The following LRRC28 variants were observed in gnomAD, a reference collection of about 807,000 sequenced individuals.
LRRC28 encodes the protein leucine rich repeat containing 28.
Under a neutral mutation model 45.7 loss-of-function variants are expected in LRRC28, and 39 were observed. The ratio of observed to expected loss-of-function variants is 0.85; its 90% CI spans 0.66 to 1.12. The LOEUF (loss-of-function observed/expected upper bound fraction) is 1.12, where lower values mean the gene tolerates loss of function less well. LRRC28 is among the 50% of genes most tolerant of loss of function. The probability of loss-of-function intolerance (pLI) is 0.00; values close to 1 mark genes in which losing one functional copy is unlikely to be tolerated. For missense variants in LRRC28, 435 were observed against 438.5 expected (o/e 0.99, Z 0.07); for synonymous variants, 206 against 178.8 (o/e 1.15, Z -1.22).
At chr15:99,312,029 A>G (rs1436392393) in intron 5 of LRRC28, among the ~76,000 whole-genome samples, 3 of 152,142 alleles carry the variant, frequency 2.0e-5, no homozygotes, top group African/African-American at 7.2e-5. Context: ...AATACTCACT[A>G]AAAAAACCCT....
At chr15:99,308,014 G>A (rs532684264) in intron 5 of LRRC28, among the ~76,000 whole-genome samples, 3 of 152,190 alleles carry the variant, frequency 2.0e-5, no homozygotes. Flanking sequence ...AAACTGAGAC[G>A]AGTTAGGAAT....
At chr15:99,376,890 C>A (rs575119352) in intron 9 of LRRC28, among the ~76,000 whole-genome samples, 2 of 152,308 alleles carry the variant, frequency 1.3e-5, no homozygotes, top group South Asian at 2.1e-4. Flanking sequence ...TTTTTTATGG[C>A]TGCAGAGTAT....
At chr15:99,323,392 A>G (rs1955866395) in intron 5 of LRRC28, among the ~76,000 whole-genome samples, 1 of 152,192 alleles carries the variant, frequency 6.6e-6, no homozygotes, top group Admixed American at 6.6e-5. Flanking sequence ...ATTTTAGACT[A>G]TATCTAGGAT....
intron 9 of LRRC28, among the ~76,000 whole-genome samples, chr15:99,378,343 C>A (rs144406229): frequency 6.6e-6 from 1 of 151,260 alleles, no homozygotes; most frequent in African/African-American, 2.4e-5. Context: ...GGCTTTCTGT[C>A]TGCTATTGGT....
At chr15:99,272,255 C>T (rs1314502227) in intron 2 of LRRC28, among the ~76,000 whole-genome samples, 1 of 152,176 alleles carries the variant, frequency 6.6e-6, no homozygotes, top group Non-Finnish European at 1.5e-5. Context: ...CTGTACTAGT[C>T]TCTCAGAGCC....
intron 2 of LRRC28, chr15:99,259,307 G>A: frequency 8.2e-7 from 1 of 1,219,896 alleles, no homozygotes; most frequent in African/African-American, 1.5e-5. Flanking sequence ...GGGCTATGAA[G>A]TTATTTACCT....
chr15:99,332,555 A>C (rs896719338), intron 5 of LRRC28, among the ~76,000 whole-genome samples: 2 of 152,164 alleles, frequency 1.3e-5, no homozygotes, highest in Non-Finnish European at 2.9e-5. Context: ...CCAGATAGTA[A>C]ATATTTTTAG....
At chr15:99,319,993 G>T (rs1194408441) in intron 5 of LRRC28, among the ~76,000 whole-genome samples, 1 of 151,964 alleles carries the variant, frequency 6.6e-6, no homozygotes, top group Non-Finnish European at 1.5e-5. Context: ...TTTTAGTAGA[G>T]ATGGGGTTTC....
chr15:99,286,824 A>G (rs2081971250), intron 3 of LRRC28: 1 of 154,716 alleles, frequency 6.5e-6, no homozygotes, highest in Non-Finnish European at 1.4e-5. Context: ...CATGCTAGCT[A>G]GAAATATCTT....
At chr15:99,330,491 C>A (rs913224980) in intron 5 of LRRC28, among the ~76,000 whole-genome samples, 1 of 151,950 alleles carries the variant, frequency 6.6e-6, no homozygotes, top group Non-Finnish European at 1.5e-5. Flanking sequence ...ATGAAATATT[C>A]GTCTTTGCCT....
chr15:99,287,885 AT>A lies in LRRC28; in HGVS notation c.321del (p.Ile107MetfsTer4). The A allele has an allele frequency of 6.2e-7, 1 of 1,613,834 alleles. No homozygotes were observed. The highest frequency in any genetic ancestry group is 1.3e-5 in the African/African-American group (1 of 75,034). On this transcript the variant is annotated frameshift_variant, in exon 5 of 10. Transcript: ENST00000301981. LOFTEE classifies it high-confidence loss of function. Reference protein sequence around the residue: ...DNALEIVCPEIGRLRALRHLR... With the variant: ...DNALEIVCPEXGRLRALRHLR... ...TGCCTTAGAAATTGTTTGCCCAGAA[AT>A]TGGTCGTCTGAGAGCTTTACGTCAT...
intron 9 of LRRC28, among the ~76,000 whole-genome samples, chr15:99,379,818 C>T (rs1482139337): frequency 6.6e-6 from 1 of 152,202 alleles, no homozygotes; most frequent in Non-Finnish European, 1.5e-5. Flanking sequence ...CATTCAGGAG[C>T]AGGTTGTTCA....
chr15:99,275,245 T>G (rs1195561759), intron 2 of LRRC28, among the ~76,000 whole-genome samples: 6 of 152,248 alleles, frequency 3.9e-5, no homozygotes, highest in Admixed American at 6.5e-5. Flanking sequence ...AACCTGTGAG[T>G]AGACTTTTGT....
intron 2 of LRRC28, 37 bp from the exon 3 acceptor site, chr15:99,276,539 C>A: frequency 6.6e-7 from 1 of 1,516,756 alleles, no homozygotes; most frequent in Non-Finnish European, 8.9e-7. Flanking sequence ...AGACATTTTT[C>A]AAAAATAAAA....
chr15:99,369,651 G>GT (rs1274380772), intron 9 of LRRC28, among the ~76,000 whole-genome samples: 10 of 152,324 alleles, frequency 6.6e-5, no homozygotes, highest in Admixed American at 5.9e-4. Flanking sequence ...TCAACTCAGA[G>GT]TGTACTGATT....
intron 6 of LRRC28, among the ~76,000 whole-genome samples, chr15:99,350,229 GTGA>G (rs1333666393): frequency 6.6e-6 from 1 of 152,014 alleles, no homozygotes; most frequent in East Asian, 1.9e-4. Context: ...ATTTAAAAAC[GTGA>G]TGTTTTGCTT....
chr15:99,293,618 A>AC (rs2082188749), intron 5 of LRRC28, among the ~76,000 whole-genome samples: 1 of 142,604 alleles, frequency 7.0e-6, no homozygotes, highest in Non-Finnish European at 1.5e-5. Flanking sequence ...AAAAAAAAAA[A>AC]AAAAAAAAAA....
intron 2 of LRRC28, among the ~76,000 whole-genome samples, chr15:99,271,124 G>C (rs1344164240): frequency 6.6e-6 from 1 of 152,100 alleles, no homozygotes; most frequent in Non-Finnish European, 1.5e-5. Context: ...TTGTTTTGTG[G>C]TTGAATTGTA....
At chr15:99,334,953 C>G (rs139434571) in intron 6 of LRRC28, among the ~76,000 whole-genome samples, 2 of 152,118 alleles carry the variant, frequency 1.3e-5, no homozygotes, top group East Asian at 3.9e-4. Context: ...ATATTATTTT[C>G]AATTTAATAT....
Sources: gnomAD v4.1 joint callset for allele counts (sites outside exome capture counted in the v4.1 genomes callset) on GRCh38, gnomAD v4.1.1 for gene constraint, MANE v1.5 for transcripts, NCBI Gene and HGNC (gene_info 2026-07-23, HGNC 2026-07-21) for gene names.